Variants in CADPS observed in about 807,000 individuals in gnomAD.
The protein encoded by CADPS is calcium dependent secretion activator, also known as calcium-dependent secretion activator 1.
Under a neutral mutation model 167.3 loss-of-function variants are expected in CADPS, and 57 were observed. The ratio of observed to expected loss-of-function variants is 0.34; its 90% CI spans 0.28 to 0.42. CADPS has a LOEUF of 0.42. CADPS is among the 20% of genes least tolerant of loss of function. The probability of loss-of-function intolerance (pLI) is 1.00; values close to 1 mark genes in which losing one functional copy is unlikely to be tolerated. For synonymous variants in CADPS, 676 were observed against 635.3 expected (o/e 1.06, Z -0.96); for missense variants, 1,414 against 1,738.1 (o/e 0.81, Z 3.32).
intron 13 of CADPS, among the ~76,000 whole-genome samples, chr3:62,528,467 T>C (rs918561024): frequency 1.3e-5 from 2 of 152,214 alleles, no homozygotes; most frequent in Non-Finnish European, 2.9e-5. Flanking sequence ...TTATCCTTAT[T>C]TTAATTAAAC....
At chr3:62,831,091 G>T (rs938026933) in intron 1 of CADPS, among the ~76,000 whole-genome samples, 1 of 152,142 alleles carries the variant, frequency 6.6e-6, no homozygotes, top group African/African-American at 2.4e-5. Flanking sequence ...AAGGGGAGGA[G>T]TGCATGGACC....
intron 10 of CADPS, among the ~76,000 whole-genome samples, chr3:62,551,139 T>C (rs912445145): frequency 1.3e-5 from 2 of 152,298 alleles, no homozygotes; most frequent in African/African-American, 4.8e-5. Flanking sequence ...ACTCCAGACT[T>C]GAATATCTTT....
At chr3:62,525,569 A>G (rs1016819925) in intron 13 of CADPS, among the ~76,000 whole-genome samples, 1 of 152,094 alleles carries the variant, frequency 6.6e-6, no homozygotes, top group Non-Finnish European at 1.5e-5. Flanking sequence ...TGCCTGCTAT[A>G]TAAAGTGCTA....
At chr3:62,762,651 G>A (rs1366861661) in intron 2 of CADPS, among the ~76,000 whole-genome samples, 2 of 138,928 alleles carry the variant, frequency 1.4e-5, no homozygotes, top group East Asian at 2.1e-4. Context: ...AAGGAAACCC[G>A]GACTCAAAAA....
intron 10 of CADPS, among the ~76,000 whole-genome samples, chr3:62,556,689 T>C (rs984313945): frequency 6.6e-6 from 1 of 151,874 alleles, no homozygotes; most frequent in Non-Finnish European, 1.5e-5. Flanking sequence ...TTTTTTTTTC[T>C]GGGAAAAAGA....
intron 7 of CADPS, among the ~76,000 whole-genome samples, chr3:62,591,388 C>T (rs982287968): frequency 1.3e-5 from 2 of 152,082 alleles, no homozygotes; most frequent in Non-Finnish European, 2.9e-5. Flanking sequence ...AAGGACTCTC[C>T]AAGGAGGTGG....
chr3:62,427,927 T>C (rs1245555197), intron 28 of CADPS, among the ~76,000 whole-genome samples: 1 of 152,250 alleles, frequency 6.6e-6, no homozygotes, highest in Non-Finnish European at 1.5e-5. Flanking sequence ...TTGGTTGGCA[T>C]ACAGATCTGT....
At chr3:62,483,921 T>C (rs2062409402) in intron 21 of CADPS, among the ~76,000 whole-genome samples, 1 of 152,192 alleles carries the variant, frequency 6.6e-6, no homozygotes, top group Non-Finnish European at 1.5e-5. Context: ...AAAGTTAAAA[T>C]GTCAATTCTG....
rs190351439 is a variant in CADPS at position 62,560,945 on chromosome 3, G to A, written c.1645-3432C>T. On this transcript the variant is annotated intron_variant, in intron 9 of 29. Coordinates refer to ENST00000383710, the MANE Select transcript of CADPS (RefSeq NM_003716.4). Reference sequence around the variant, plus strand: ...AATACAAAAATTAGCTGGACGTGGCGGCAGACTCCTGTAATCTCAGCTACT... The same window carrying A: ...AATACAAAAATTAGCTGGACGTGGCAGCAGACTCCTGTAATCTCAGCTACT... Among the ~76,000 whole-genome samples the A allele has an allele frequency of 3.0e-3, 453 of 152,086 alleles. 2 individuals are homozygous for A. The highest frequency in any genetic ancestry group is 5.0e-3 in the Non-Finnish European group (343 of 67,992).
intron 1 of CADPS, among the ~76,000 whole-genome samples, chr3:62,806,137 A>C (rs1326826423): frequency 6.6e-6 from 1 of 152,176 alleles, no homozygotes; most frequent in Non-Finnish European, 1.5e-5. Flanking sequence ...ATACAGAGGA[A>C]TGAAAGACAC....
At chr3:62,774,531 A>G (rs1218485833) in intron 1 of CADPS, among the ~76,000 whole-genome samples, 2 of 152,220 alleles carry the variant, frequency 1.3e-5, no homozygotes, top group African/African-American at 4.8e-5. Context: ...GGTTTTGTTT[A>G]TGTAAGTTGT....
At chr3:62,807,198 TTCA>T (rs1348535769) in intron 1 of CADPS, among the ~76,000 whole-genome samples, 1 of 152,178 alleles carries the variant, frequency 6.6e-6, no homozygotes, top group Non-Finnish European at 1.5e-5. Context: ...CTGGGGAATC[TTCA>T]TCAAGGCAGT....
chr3:62,855,090 A>AGTTTT (rs1491234527), intron 1 of CADPS, among the ~76,000 whole-genome samples: 3 of 30,546 alleles, frequency 9.8e-5, no homozygotes, highest in African/African-American at 1.9e-4. Context: ...ATGCCCGGCT[A>AGTTTT]ATTTTTTTTT....
intron 6 of CADPS, among the ~76,000 whole-genome samples, chr3:62,624,607 C>T (rs2063721672): frequency 6.6e-6 from 1 of 151,970 alleles, no homozygotes; most frequent in East Asian, 1.9e-4. Context: ...GATGAACTTG[C>T]TTCCTGTTTT....
intron 1 of CADPS, among the ~76,000 whole-genome samples, chr3:62,866,346 T>C (rs1187386849): frequency 6.6e-6 from 1 of 152,044 alleles, no homozygotes; most frequent in Non-Finnish European, 1.5e-5. Flanking sequence ...ATTTCCTCTC[T>C]TTAGAAGCTC....
intron 26 of CADPS, among the ~76,000 whole-genome samples, chr3:62,448,943 G>T (rs2057645454): frequency 6.6e-6 from 1 of 152,160 alleles, no homozygotes; most frequent in South Asian, 2.1e-4. Context: ...GAAGGACATT[G>T]ATGATGAGGA....
In CADPS at chr3:62,544,792, T is replaced by A. The variant is rs187041033; in HGVS notation, c.1966+5111A>T. 3.2e-6 allele frequency: 3 copies of A among 943,450 alleles called. No individual in the cohort carries two copies. The East Asian group carries it at 2.6e-4, about 82-fold the overall frequency. 58.4% of individuals were successfully genotyped at this position (943,450 alleles called of 1,614,324 possible). A position where few individuals can be genotyped will look rare whatever the true frequency, so the allele number is the denominator to read the frequency against. On this transcript the variant is annotated intron_variant, in intron 11 of 29. Coordinates refer to ENST00000383710, the MANE Select transcript of CADPS (RefSeq NM_003716.4). The surrounding 1 kb of genome is among the most constrained non-coding windows in gnomAD (Gnocchi z 4.4). ...AAGGGGGAGGGAAGCACATTGCAGG[T>A]GTCAGATAATCTAATCTGATTATCT...
chr3:62,626,434 T>C (rs904392525), intron 6 of CADPS: 12 of 694,010 alleles, frequency 1.7e-5, no homozygotes, highest in African/African-American at 1.6e-4. Context: ...TATAGTGAAA[T>C]TATTCAGTAA....
At position 62,536,563 on chromosome 3, in the gene CADPS, T is replaced by C. The variant is rs778763864; in HGVS notation, c.1985A>G (p.Lys662Arg). Residue 662 changes from lysine (K) to arginine (R), a missense_variant, in exon 12 of 30, where the codon AAA becomes AGA. Physicochemically the swap from Lys to Arg is conservative, Grantham distance 26. This residue lies in a region of CADPS where 529 missense variants were observed against 629.6 expected (regional missense o/e 0.84). Transcript: ENST00000383710. ...AGAGATAAATTCATCCATGCCATGTTTTTGAGCTCTATCTGCGTCTGTTCA... is the reference window on the plus strand; with the variant it reads ...AGAGATAAATTCATCCATGCCATGTCTTTGAGCTCTATCTGCGTCTGTTCA... ...ISQFYADRAQKHGMDEFISSN... is the reference protein window; with the variant it reads ...ISQFYADRAQRHGMDEFISSN... The C allele has an allele frequency of 1.2e-6, 2 of 1,613,366 alleles. No individual in the cohort carries two copies. Among genetic ancestry groups the C allele is most frequent in the Non-Finnish European group, 1.7e-6 (2 of 1,179,452 alleles).
Sources: allele counts gnomAD v4.1 joint callset (sites outside exome capture counted in the v4.1 genomes callset), GRCh38; gene constraint gnomAD v4.1.1; regional missense constraint gnomAD v4.1.1; non-coding constraint Gnocchi (gnomAD v3.1); transcripts MANE v1.5; gene names NCBI Gene and HGNC (gene_info 2026-07-23, HGNC 2026-07-21).